MIER3: variants seen among roughly 807,000 people sequenced by gnomAD.
MIER3 encodes mesoderm induction early response protein 3.
A neutral mutation model predicts 63.2 loss-of-function variants in MIER3; 9 were observed. That is an observed-to-expected ratio of 0.14 (90% CI 0.09 to 0.25). The LOEUF is 0.25. Ranked by LOEUF, MIER3 falls within the 10% of genes least tolerant of loss-of-function variation. The pLI is 1.00. For synonymous variants in MIER3, 205 were observed against 224.9 expected (o/e 0.91, Z 0.79); for missense variants, 512 against 666.2 (o/e 0.77, Z 2.55).
intron 4 of MIER3, chr5:56,938,185 T>G (rs748990369): frequency 1.1e-5 from 5 of 459,570 alleles, no homozygotes; most frequent in Admixed American, 4.8e-5. Flanking sequence ...GTCATCCTTG[T>G]GCCTAGCACA....
chr5:56,928,913 A>G (rs1359308965), intron 9 of MIER3, 52 bp from the exon 10 acceptor site: 1 of 1,285,962 alleles, frequency 7.8e-7, no homozygotes, highest in African/African-American at 1.5e-5. Context: ...TTCTTATGTG[A>G]ATCACTGATT....
rs1449607953 is a variant in MIER3 at position 56,933,348 on chromosome 5, T to C, written c.646A>G (p.Ser216Gly). Residue 216 changes from serine (S) to glycine (G), a missense_variant, in exon 8 of 13, where the codon AGC (serine) becomes GGC (glycine). This residue lies in a region of MIER3 where 118 missense variants were observed against 133.6 expected (regional missense o/e 0.88). Coordinates refer to ENST00000381199, the MANE Select transcript of MIER3 (RefSeq NM_001297599.2). ...LLWCPDVVLESKVKEYLVETS... is the reference protein window; with the variant it reads ...LLWCPDVVLEGKVKEYLVETS... ...TCAACAAGGTATTCCTTAACTTTGCTCTCCAAAACCACATCAGGACACCAA... is the reference window on the plus strand; with the variant it reads ...TCAACAAGGTATTCCTTAACTTTGCCCTCCAAAACCACATCAGGACACCAA... The C allele has an allele frequency of 2.5e-6, 4 of 1,613,108 alleles. No homozygotes were observed. In the African/African-American group the frequency reaches 4.0e-5, roughly 16 times the overall value.
At chr5:56,930,383 T>A (rs1194597911) in intron 9 of MIER3, among the ~76,000 whole-genome samples, 1 of 152,194 alleles carries the variant, frequency 6.6e-6, no homozygotes, top group African/African-American at 2.4e-5. Context: ...CCATTCTTTT[T>A]AATTACTTTG....
intron 1 of MIER3, 104 bp downstream of exon 1, chr5:56,951,990 G>A: frequency 1.0e-6 from 1 of 1,003,954 alleles, no homozygotes; most frequent in Non-Finnish European, 1.3e-6. Context: ...CCCCTCATGG[G>A]GCAGCGGAAA....
rs192390936 is a variant in MIER3, at chr5:56,921,663, A to G, written c.*1465T>C. 1 of 152,750 alleles carries G rather than the reference A, an allele frequency of 6.5e-6. No individual in the cohort carries two copies. The highest frequency in any genetic ancestry group is 1.9e-4 in the East Asian group (1 of 5,190). 9.5% of individuals were successfully genotyped at this position (152,750 alleles called of 1,614,324 possible). On this transcript the variant is annotated 3_prime_UTR_variant, in exon 13 of 13. Transcript: ENST00000381199. ...CTACTAAGATCACTACATCCTATCT[A>G]CTCATCAGCACAACCTTGAAGCAAC... is the stretch of plus-strand genomic sequence containing the variant.
In MIER3 at chr5:56,941,238, T is replaced by C. The variant is rs542346381; in HGVS notation, c.181-2221A>G. ...TGGCTTCAATATTCAATTGTGACTA[T>C]AGACAAGGGCAGACCTACACCCCAA... On this transcript the variant is annotated intron_variant, in intron 3 of 12. Coordinates refer to ENST00000381199, the MANE Select transcript of MIER3 (RefSeq NM_001297599.2). 1.5e-5 allele frequency: 11 copies of C among 735,570 alleles called. No homozygotes were observed. In the South Asian group the frequency reaches 2.5e-4, roughly 17 times the overall value. 45.6% of individuals were successfully genotyped at this position (735,570 alleles called of 1,614,324 possible). A position where few individuals can be genotyped will look rare whatever the true frequency, so the allele number is the denominator to read the frequency against.
chr5:56,938,785 A>G (rs1327107449), intron 4 of MIER3, 98 bp downstream of exon 4: 5 of 1,455,306 alleles, frequency 3.4e-6, no homozygotes, highest in Non-Finnish European at 4.6e-6. Flanking sequence ...GTCAACAAGA[A>G]GTTTACATTT....
intron 3 of MIER3, among the ~76,000 whole-genome samples, chr5:56,940,487 C>T (rs1203440754): frequency 6.6e-6 from 1 of 152,210 alleles, no homozygotes; most frequent in African/African-American, 2.4e-5. Context: ...TGGCCTTCAC[C>T]TTTGCAGGTA....
At chr5:56,924,194 C>A (rs1335458802) in intron 10 of MIER3, 152 bp from the exon 11 acceptor site, 9 of 749,314 alleles carry the variant, frequency 1.2e-5, no homozygotes, top group Non-Finnish European at 1.8e-5. Flanking sequence ...AAGTTCTGAA[C>A]ACTTTGATTA....
At chr5:56,928,559 T>G (rs190279558) in intron 10 of MIER3, 90 of 382,190 alleles carry the variant, frequency 2.4e-4, no homozygotes, top group African/African-American at 1.5e-3. Flanking sequence ...GTCAACTGTT[T>G]ATGTGAAAAG....
rs1749589991 is a variant in MIER3 at position 56,919,965 on chromosome 5, CAA to C, written c.*3161_*3162del. ...AATTATTTCAATTTCCATTTGTAGA[CAA>C]TGTGCTTTGAAACTCTGGGCAAACA... On this transcript the variant is annotated 3_prime_UTR_variant, in exon 13 of 13. Transcript: ENST00000381199. The C allele has an allele frequency of 6.6e-6, 1 of 152,502 alleles. No homozygotes were observed. The highest frequency in any genetic ancestry group is 2.1e-4 in the South Asian group (1 of 4,824). 9.4% of individuals were successfully genotyped at this position (152,502 alleles called of 1,614,324 possible).
chr5:56,938,445 T>C, intron 4 of MIER3: 1 of 463,162 alleles, frequency 2.2e-6, no homozygotes, highest in Non-Finnish European at 4.5e-6. Context: ...ACGTTAGAGA[T>C]GGATCACCGC....
At chr5:56,938,851 C>T in intron 4 of MIER3, 32 bp downstream of exon 4, 3 of 1,597,726 alleles carry the variant, frequency 1.9e-6, no homozygotes, top group Non-Finnish European at 2.6e-6. Context: ...GGTAACAGAC[C>T]CTGAATTTTT....
intron 10 of MIER3, among the ~76,000 whole-genome samples, chr5:56,925,826 G>C (rs1749945854): frequency 6.6e-6 from 1 of 151,790 alleles, no homozygotes; most frequent in Non-Finnish European, 1.5e-5. Flanking sequence ...AGTACTGACA[G>C]TCCCCAACTT....
chr5:56,932,897 A>G (rs746193816), intron 8 of MIER3, among the ~76,000 whole-genome samples: 1 of 152,086 alleles, frequency 6.6e-6, no homozygotes, highest in Non-Finnish European at 1.5e-5. Flanking sequence ...TTAGGGAAAA[A>G]TTTTTTTTAA....
chr5:56,943,299 T>C (rs1457519289), intron 3 of MIER3, among the ~76,000 whole-genome samples: 2 of 150,424 alleles, frequency 1.3e-5, no homozygotes, highest in Admixed American at 1.3e-4. Context: ...CTTCCAAATG[T>C]GGGATCTGCA....
intron 1 of MIER3, among the ~76,000 whole-genome samples, chr5:56,951,469 G>A (rs1751027202): frequency 6.6e-6 from 1 of 152,126 alleles, no homozygotes; most frequent in South Asian, 2.1e-4. Flanking sequence ...GAGGGTCTCG[G>A]TCTGCCCTTT....
chr5:56,920,517 CATT>C lies in MIER3; in HGVS notation c.*2608_*2610del, dbSNP rs941657434. 2 of 152,376 alleles carry C rather than the reference CATT, an allele frequency of 1.3e-5. No homozygotes were observed. Among genetic ancestry groups the C allele is most frequent in the African/African-American group, 4.8e-5 (2 of 41,404 alleles). The allele number at this position is 152,376 out of a possible 1,614,324, so 9.4% of individuals were successfully genotyped here. ...TGTGCTTAACACTTGATAATAAAGGCATTATTGTTTCTTCACATGATTGCAAAT... is the reference window on the plus strand; with the variant it reads ...TGTGCTTAACACTTGATAATAAAGGCATTGTTTCTTCACATGATTGCAAAT... On this transcript the variant is annotated 3_prime_UTR_variant, in exon 13 of 13. Coordinates refer to ENST00000381199, the MANE Select transcript of MIER3 (RefSeq NM_001297599.2).
At chr5:56,951,722 C>T (rs1460767529) in intron 1 of MIER3, among the ~76,000 whole-genome samples, 2 of 138,474 alleles carry the variant, frequency 1.4e-5, no homozygotes, top group Non-Finnish European at 3.3e-5. Flanking sequence ...CCGGTTTCCA[C>T]CCACCCGGGC....
Sources: allele counts gnomAD v4.1 joint callset (sites outside exome capture counted in the v4.1 genomes callset), GRCh38; gene constraint gnomAD v4.1.1; regional missense constraint gnomAD v4.1.1; transcripts MANE v1.5; gene names NCBI Gene and HGNC (gene_info 2026-07-23, HGNC 2026-07-21).